Variants in FERMT2 observed in about 807,000 individuals in gnomAD.
The protein encoded by FERMT2 is fermitin family homolog 2.
A neutral mutation model predicts 82.7 loss-of-function variants in FERMT2; 15 were observed. That is an observed-to-expected ratio of 0.18 (90% CI 0.12 to 0.28). The LOEUF (loss-of-function observed/expected upper bound fraction) is 0.28. FERMT2 is among the 10% of genes least tolerant of loss of function. The pLI is 1.00. For synonymous variants in FERMT2, 274 were observed against 271.5 expected (o/e 1.01, Z -0.09); for missense variants, 645 against 809.4 (o/e 0.80, Z 2.46).
rs34676786 is a variant in FERMT2, at chr14:52,877,574, CTTTTTTTTTTT to C, written c.963+997_963+1007del. On this transcript the variant is annotated intron_variant, in intron 7 of 14. Transcript: ENST00000341590. ...CTAAGGTGAAAATTAGCTGTTCTTG[CTTTTTTTTTTT>C]TTTTTTTTTTTTTGCTAACCTCACT... Among the ~76,000 whole-genome samples the C allele has an allele frequency of 6.0e-3, 402 of 67,094 alleles. 3 individuals carry two copies. Among genetic ancestry groups the C allele is most frequent in the Middle Eastern group, 0.05 (2 of 40 alleles). The allele number at this position is 67,094 out of a possible 152,430, so 44.0% of individuals were successfully genotyped here.
intron 2 of FERMT2, chr14:52,928,064 C>A: frequency 2.8e-6 from 1 of 357,148 alleles, no homozygotes; most frequent in Non-Finnish European, 5.9e-6. Context: ...AAGTAAGCAA[C>A]TTAGAGTTTG....
In FERMT2 at chr14:52,878,587, G is replaced by A. The variant is rs573138334; in HGVS notation, c.958C>T (p.Leu320=). 1.9e-6 allele frequency: 3 copies of A among 1,604,148 alleles called. No individual in the cohort carries two copies. Among genetic ancestry groups the A allele is most frequent in the African/African-American group, 1.3e-5 (1 of 74,726 alleles). The change falls in exon 7 of 15, where the codon CTG becomes TTG. Residue 320 remains leucine (L), a synonymous_variant. Coordinates refer to ENST00000341590, the MANE Select transcript of FERMT2 (RefSeq NM_006832.3). ...TTACTAGACCTTTCAACTACCTGCA[G>A]GGCTGCAAACATCATCATTTCTTCT... ...TEEEMMMFAA[L]QYHINKLSIM... is the part of the protein sequence containing the mutation.
Position 52,858,526 on chromosome 14 carries a change from C to G in FERMT2, c.1894G>C (p.Val632Leu). The change falls in exon 15 of 15, where the codon GTA (valine) becomes CTA (leucine). Residue 632 changes from valine (V) to leucine (L), a missense_variant. Val to Leu is a conservative substitution (Grantham distance 32). Transcript: ENST00000341590. The stretch of plus-strand genomic sequence containing the variant: ...TCAGTACAAATGAAGGACAATCGTA[C>G]TTCATCTGCAAACTCTACGGTGACC... ...KMVTVEFADE[V>L]RLSFICTEVD... The G allele has an allele frequency of 1.2e-6, 2 of 1,614,080 alleles. No homozygotes were observed. The highest frequency in any genetic ancestry group is 1.7e-5 in the Admixed American group (1 of 60,008).
At chr14:52,906,165 G>A (rs1046145791) in intron 3 of FERMT2, among the ~76,000 whole-genome samples, 4 of 152,144 alleles carry the variant, frequency 2.6e-5, no homozygotes, top group Non-Finnish European at 4.4e-5. Context: ...GGGATGACAA[G>A]GTGGCTAGAA....
intron 3 of FERMT2, among the ~76,000 whole-genome samples, chr14:52,894,462 C>T (rs906472166): frequency 6.6e-5 from 10 of 152,050 alleles, no homozygotes; most frequent in African/African-American, 1.9e-4. Flanking sequence ...CTAGAATAGT[C>T]AAAGACATTC....
In FERMT2 at chr14:52,911,390, A is replaced by G. The variant is rs555647203; in HGVS notation, c.391+7733T>C. On this transcript the variant is annotated intron_variant, in intron 3 of 14. Transcript: ENST00000341590. ...CTGTGGGCTGGGCACAGTGGCTCAC[A>G]CCTGTAATCCCAGCACTTTGGGAGG... is the stretch of plus-strand genomic sequence containing the variant. Among the ~76,000 whole-genome samples the G allele has an allele frequency of 2.1e-4, 32 of 152,208 alleles. No individual in the cohort carries two copies. In the South Asian group the frequency reaches 6.4e-3, roughly 31 times the overall value.
chr14:52,901,190 A>G (rs1412790881), intron 3 of FERMT2, among the ~76,000 whole-genome samples: 3 of 147,022 alleles, frequency 2.0e-5, no homozygotes, highest in African/African-American at 7.5e-5. Flanking sequence ...CTGAGGCAGG[A>G]GAATGGCTTG....
chr14:52,886,248 G>A (rs1047774277), intron 4 of FERMT2, among the ~76,000 whole-genome samples: 1 of 151,960 alleles, frequency 6.6e-6, no homozygotes, highest in Non-Finnish European at 1.5e-5. Context: ...ACTGATGGAA[G>A]TATAAACCAC....
At chr14:52,950,673 G>A in intron 1 of FERMT2, 96 bp from the exon 2 acceptor site, 1 of 1,297,302 alleles carries the variant, frequency 7.7e-7, no homozygotes, top group Non-Finnish European at 1.1e-6. Context: ...GCTGGGAGGT[G>A]GTGGAGGACC....
At chr14:52,932,526 G>C (rs1039532386) in intron 2 of FERMT2, among the ~76,000 whole-genome samples, 2 of 152,136 alleles carry the variant, frequency 1.3e-5, no homozygotes, top group African/African-American at 4.8e-5. Flanking sequence ...CTTGAAGAAT[G>C]CATATACTAA....
chr14:52,918,296 A>G lies in FERMT2; in HGVS notation c.391+827T>C, dbSNP rs545528263. 2.0e-5 allele frequency among the ~76,000 whole-genome samples: 3 copies of G among 152,314 alleles called. No individual in the cohort carries two copies. The South Asian group carries it at 6.2e-4, about 32-fold the overall frequency. ...GCTCCTATTTATTAAAAAAAATCCG[A>G]TATGTATGGACAAATAAATGCATAG... On this transcript the variant is annotated intron_variant, in intron 3 of 14. Coordinates refer to ENST00000341590, the MANE Select transcript of FERMT2 (RefSeq NM_006832.3).
chr14:52,948,551 G>A (rs1213261673), intron 2 of FERMT2: 1 of 455,410 alleles, frequency 2.2e-6, no homozygotes, highest in Non-Finnish European at 4.4e-6. Flanking sequence ...CATACGCACA[G>A]CATTTCCTAC....
chr14:52,926,139 T>A (rs998098485), intron 2 of FERMT2, among the ~76,000 whole-genome samples: 34 of 152,364 alleles, frequency 2.2e-4, no homozygotes, highest in African/African-American at 7.0e-4. Context: ...GAACACATTA[T>A]GATGACTTTA....
At chr14:52,949,490 T>C (rs1177123194) in intron 2 of FERMT2, among the ~76,000 whole-genome samples, 1 of 141,306 alleles carries the variant, frequency 7.1e-6, no homozygotes, top group African/African-American at 2.7e-5. Flanking sequence ...ACACAGATAA[T>C]CATCTTATCA....
chr14:52,890,608 CTTT>C (rs78933730), intron 4 of FERMT2, among the ~76,000 whole-genome samples: 1 of 140,448 alleles, frequency 7.1e-6, no homozygotes. Context: ...CTTTTATCCT[CTTT>C]TTTTTTTTTT....
chr14:52,858,691 C>T (rs1884714050), intron 14 of FERMT2, 141 bp from the exon 15 acceptor site: 1 of 667,442 alleles, frequency 1.5e-6, no homozygotes, highest in South Asian at 2.4e-5. Context: ...AAAACCTAAA[C>T]GAATAATGCC....
intron 3 of FERMT2, among the ~76,000 whole-genome samples, chr14:52,896,999 A>AACACACACACACACACAC (rs57945447): frequency 2.8e-4 from 38 of 137,186 alleles, no homozygotes; most frequent in African/African-American, 1.0e-3. Context: ...AAACAAATAA[A>AACACACACACACACACAC]ACACACACAC....
intron 10 of FERMT2, among the ~76,000 whole-genome samples, chr14:52,867,139 G>C (rs1044274426): frequency 1.6e-5 from 2 of 128,924 alleles, no homozygotes; most frequent in Non-Finnish European, 3.3e-5. Flanking sequence ...GTTTCACCAT[G>C]TTGCCCAGGC....
At chr14:52,877,574 CTT>C (rs34676786) in intron 7 of FERMT2, among the ~76,000 whole-genome samples, 23 of 67,060 alleles carry the variant, frequency 3.4e-4, no homozygotes, top group South Asian at 8.1e-4. Flanking sequence ...GCTGTTCTTG[CTT>C]TTTTTTTTTT....
Sources: gnomAD v4.1 joint callset for allele counts (sites outside exome capture counted in the v4.1 genomes callset) on GRCh38, gnomAD v4.1.1 for gene constraint, MANE v1.5 for transcripts, NCBI Gene and HGNC (gene_info 2026-07-23, HGNC 2026-07-21) for gene names.